EDIL3: variants seen among roughly 807,000 people sequenced by gnomAD.
EDIL3 encodes the protein EGF-like repeat and discoidin I-like domain-containing protein 3.
A neutral mutation model predicts 67.4 loss-of-function variants in EDIL3; 37 were observed. That is an observed-to-expected ratio of 0.55 (90% CI 0.42 to 0.72). The LOEUF (loss-of-function observed/expected upper bound fraction) is 0.72, where lower values mean the gene tolerates loss of function less well. Among genes scored for constraint, EDIL3 ranks in the 30% least tolerant of loss-of-function variants. EDIL3 has a pLI of 0.00. For synonymous variants in EDIL3, 195 were observed against 196.3 expected, an observed-to-expected ratio of 0.99 and a Z score of 0.05; for missense variants, 527 against 586.3, an observed-to-expected ratio of 0.90 and a Z score of 1.04.
At chr5:84,135,395 TTC>T (rs1348007417) in intron 5 of EDIL3, among the ~76,000 whole-genome samples, 3 of 152,210 alleles carry the variant, frequency 2.0e-5, no homozygotes, top group Non-Finnish European at 1.5e-5. Flanking sequence ...TCCTGGAAGG[TTC>T]TCTATTCAGG....
At chr5:83,951,564 G>GT (rs1744422609) in intron 10 of EDIL3, among the ~76,000 whole-genome samples, 1 of 151,456 alleles carries the variant, frequency 6.6e-6, no homozygotes, top group Non-Finnish European at 1.5e-5. Context: ...AGGCAAAGGT[G>GT]TTTTTTTCCC....
At chr5:83,976,515 C>T (rs990228327) in intron 9 of EDIL3, among the ~76,000 whole-genome samples, 2 of 151,740 alleles carry the variant, frequency 1.3e-5, no homozygotes, top group South Asian at 4.1e-4. Context: ...CAAGAACTTT[C>T]CCTAATCTAT....
chr5:84,116,209 A>AAC (rs4003748), intron 5 of EDIL3, among the ~76,000 whole-genome samples: 3 of 150,238 alleles, frequency 2.0e-5, no homozygotes, highest in Admixed American at 6.6e-5. Context: ...AAAAAAAAAA[A>AAC]CCCCAAGAGA....
intron 1 of EDIL3, among the ~76,000 whole-genome samples, chr5:84,278,044 A>G (rs1191542894): frequency 6.6e-6 from 1 of 152,138 alleles, no homozygotes; most frequent in African/African-American, 2.4e-5. Context: ...TCTTTTTTTA[A>G]GTCACAGCTC....
chr5:84,096,180 T>C (rs1383201852), intron 6 of EDIL3, among the ~76,000 whole-genome samples: 1 of 152,088 alleles, frequency 6.6e-6, no homozygotes, highest in African/African-American at 2.4e-5. Context: ...GAGTCCCCAC[T>C]GGGGCACCAC....
At chr5:84,383,479 T>C (rs1201206959) in intron 1 of EDIL3, among the ~76,000 whole-genome samples, 1 of 152,236 alleles carries the variant, frequency 6.6e-6, no homozygotes, top group Non-Finnish European at 1.5e-5. Context: ...TTGATTTTTA[T>C]TTTTCTGTTT....
In EDIL3 at chr5:84,073,019, T is replaced by C. The variant is rs545182928; in HGVS notation, c.652-6413A>G. On this transcript the variant is annotated intron_variant, in intron 6 of 10. Transcript: ENST00000296591. ...AGGAAGGTGACAATCTGGGAGAAGATATCTGCATGTCTAGATTTGACAGGG... is the reference window on the plus strand; with the variant it reads ...AGGAAGGTGACAATCTGGGAGAAGACATCTGCATGTCTAGATTTGACAGGG... Among the ~76,000 whole-genome samples, 219 of 152,296 alleles carry C rather than the reference T, an allele frequency of 1.4e-3. 1 individual carries two copies. The highest frequency in any genetic ancestry group is 5.1e-3 in the African/African-American group (211 of 41,562).
At chr5:84,073,947 A>G (rs1476019558) in intron 6 of EDIL3, among the ~76,000 whole-genome samples, 4 of 151,690 alleles carry the variant, frequency 2.6e-5, no homozygotes, top group Non-Finnish European at 3.0e-5. Context: ...ACTTCAAACT[A>G]TACTACAAGG....
At chr5:83,992,089 A>G (rs1306036841) in intron 9 of EDIL3, among the ~76,000 whole-genome samples, 1 of 152,166 alleles carries the variant, frequency 6.6e-6, no homozygotes, top group Non-Finnish European at 1.5e-5. Flanking sequence ...TTTTGTAAAC[A>G]TACATCATCT....
rs138360595 is a variant in EDIL3, at chr5:84,095,722, T to C, written c.651+10927A>G. Among the ~76,000 whole-genome samples the C allele has an allele frequency of 3.2e-3, 491 of 152,244 alleles. 4 individuals are homozygous for C. Among genetic ancestry groups the C allele is most frequent in the African/African-American group, 0.011 (464 of 41,544 alleles). ...GAAAATTTGCAGCCTGACAATGCAA[T>C]AGAAAAGAAAAATCCCATTTTCTGA... On this transcript the variant is annotated intron_variant, in intron 6 of 10. Transcript: ENST00000296591.
chr5:84,141,805 G>A (rs902132506), intron 4 of EDIL3, among the ~76,000 whole-genome samples: 1 of 148,840 alleles, frequency 6.7e-6, no homozygotes, highest in African/African-American at 2.4e-5. Flanking sequence ...TTGTAAATGT[G>A]TTTGATCGTC....
intron 1 of EDIL3, among the ~76,000 whole-genome samples, chr5:84,334,199 T>A (rs1746938514): frequency 6.6e-6 from 1 of 151,732 alleles, no homozygotes; most frequent in African/African-American, 2.4e-5. Flanking sequence ...GTAGCTGAGA[T>A]TACAGGCACC....
chr5:84,295,214 AAAT>A (rs1416475572), intron 1 of EDIL3, among the ~76,000 whole-genome samples: 2 of 152,162 alleles, frequency 1.3e-5, no homozygotes, highest in African/African-American at 4.8e-5. Flanking sequence ...TAACTTTTAA[AAAT>A]AATAATTCTG....
chr5:84,162,690 C>T (rs1029126773), intron 4 of EDIL3, among the ~76,000 whole-genome samples: 8 of 152,038 alleles, frequency 5.3e-5, no homozygotes, highest in African/African-American at 1.9e-4. Context: ...CTTGGGCTCC[C>T]AAGATAACAG....
At chr5:84,382,521 C>T (rs916061060) in intron 1 of EDIL3, among the ~76,000 whole-genome samples, 5 of 152,224 alleles carry the variant, frequency 3.3e-5, no homozygotes, top group African/African-American at 1.2e-4. Context: ...GTGGCGGTGA[C>T]ACAATGCGAG....
In EDIL3 at chr5:83,985,956, GT is replaced by G. The variant is rs1415193532; in HGVS notation, c.1138-22597del. Among the ~76,000 whole-genome samples the G allele has an allele frequency of 2.0e-5, 3 of 151,982 alleles. No homozygotes were observed. In the East Asian group the frequency reaches 5.8e-4, roughly 29 times the overall value. ...AATTCATGCATTTTTTACTTTAAAGGTTTACAGTGAAACATAAAATTTCCTA... is the reference window on the plus strand; with the variant it reads ...AATTCATGCATTTTTTACTTTAAAGGTTACAGTGAAACATAAAATTTCCTA... On this transcript the variant is annotated intron_variant, in intron 9 of 10. Transcript: ENST00000296591.
intron 3 of EDIL3, among the ~76,000 whole-genome samples, chr5:84,191,711 A>C (rs1460709243): frequency 6.6e-6 from 1 of 152,052 alleles, no homozygotes; most frequent in East Asian, 1.9e-4. Context: ...TCACCAAAGC[A>C]AACCAATATT....
At chr5:84,351,283 G>A (rs916817294) in intron 1 of EDIL3, among the ~76,000 whole-genome samples, 1 of 152,114 alleles carries the variant, frequency 6.6e-6, no homozygotes, top group African/African-American at 2.4e-5. Context: ...TCTTCTTGCA[G>A]TATTATCTGC....
intron 3 of EDIL3, among the ~76,000 whole-genome samples, chr5:84,183,553 G>A (rs1376084360): frequency 2.0e-5 from 3 of 152,120 alleles, no homozygotes; most frequent in Non-Finnish European, 2.9e-5. Flanking sequence ...TGCAGGTGAG[G>A]AAAAAAACCA....
Sources: gnomAD v4.1 joint callset for allele counts (sites outside exome capture counted in the v4.1 genomes callset) on GRCh38, gnomAD v4.1.1 for gene constraint, MANE v1.5 for transcripts, NCBI Gene and HGNC (gene_info 2026-07-23, HGNC 2026-07-21) for gene names.